The following LHX1 variants were observed in gnomAD, a reference collection of about 807,000 sequenced individuals.
LHX1 encodes LIM homeobox 1.
Under a neutral mutation model 34.1 loss-of-function variants are expected in LHX1, and 9 were observed. That is an observed-to-expected ratio of 0.26 (90% CI 0.16 to 0.46). The LOEUF is 0.46. LHX1 is among the 20% of genes least tolerant of loss of function. LHX1 has a pLI of 1.00. For missense variants in LHX1, 446 were observed against 559.1 expected (o/e 0.80, Z 2.04); for synonymous variants, 254 against 241.5 (o/e 1.05, Z -0.48).
In LHX1 at chr17:36,937,597, G is replaced by A; in HGVS notation, c.-601G>A. 3.1e-6 allele frequency: 1 copy of A among 322,920 alleles called. No homozygotes were observed. Among genetic ancestry groups the A allele is most frequent in the Non-Finnish European group, 6.1e-6 (1 of 164,762 alleles). 20.0% of individuals were successfully genotyped at this position (322,920 alleles called of 1,614,324 possible). A position where few individuals can be genotyped will look rare whatever the true frequency, so the allele number is the denominator to read the frequency against. On this transcript the variant is annotated 5_prime_UTR_variant, in exon 1 of 5. Transcript: ENST00000614239. ...CCGCGGCGCGATGCCGGCAGTTTAGGATCCAAAGCTTCTCTGCTCCTTTTG... is the reference window on the plus strand; with the variant it reads ...CCGCGGCGCGATGCCGGCAGTTTAGAATCCAAAGCTTCTCTGCTCCTTTTG...
Position 36,940,716 on chromosome 17 carries a change from C to G in LHX1, c.504C>G (p.Ser168Arg). Residue 168 changes from serine (S) to arginine (R), a missense_variant, in exon 3 of 5, where the codon AGC (serine) becomes AGG (arginine). Ser to Arg is a moderately radical substitution (Grantham distance 110). Transcript: ENST00000614239. The part of the protein sequence containing the change: ...SANVSDKEAG[S>R]NENDDQNLGA... Reference sequence around the variant, plus strand: ...ACGTGTCGGACAAGGAAGCGGGTAGCAACGAGAATGACGACCAGAACCTGG... The same window carrying G: ...ACGTGTCGGACAAGGAAGCGGGTAGGAACGAGAATGACGACCAGAACCTGG... 6.2e-7 allele frequency: 1 copy of G among 1,613,786 alleles called. No individual in the cohort carries two copies. The highest frequency in any genetic ancestry group is 8.5e-7 in the Non-Finnish European group (1 of 1,180,054).
rs754443317 is a variant in LHX1 at position 36,940,744 on chromosome 17, G to A, written c.532G>A (p.Ala178Thr). ...SNENDDQNLG[A>T]KRRGPRTTIK... is the part of the protein sequence containing the mutation. ...CGAGAATGACGACCAGAACCTGGGC[G>A]CCAAGCGGCGGGGACCGCGCACCAC... Residue 178 changes from alanine to threonine, a missense_variant, in exon 3 of 5, where the codon GCC (alanine) becomes ACC (threonine). By Grantham distance (58) the Ala-to-Thr change is moderately conservative. This residue lies in a region of LHX1 where 43 missense variants were observed against 108.0 expected (regional missense o/e 0.40). Transcript: ENST00000614239. 6.2e-7 allele frequency: 1 copy of A among 1,613,560 alleles called. No individual in the cohort carries two copies. Among genetic ancestry groups the A allele is most frequent in the East Asian group, 2.2e-5 (1 of 44,882 alleles).
intron 3 of LHX1, chr17:36,941,500 G>A (rs115425848): frequency 0.019 from 5,720 of 305,092 alleles, 85 homozygotes; most frequent in African/African-American, 0.043. Context: ...CCAGGCCAGG[G>A]GGAGTCTCTG....
rs2070741309 is a variant in LHX1, at chr17:36,938,164, T to C, written c.-34T>C. 1 of 1,611,756 alleles carries C rather than the reference T, an allele frequency of 6.2e-7. No homozygotes were observed. The highest frequency in any genetic ancestry group is 8.5e-7 in the Non-Finnish European group (1 of 1,179,500). On this transcript the variant is annotated 5_prime_UTR_variant, in exon 1 of 5. Transcript: ENST00000614239. ...CCCTGGGCTCTACTTTGCCCCTCTCTCTCTCTGGGCCTCATCAGACCAAAC... is the reference window on the plus strand; with the variant it reads ...CCCTGGGCTCTACTTTGCCCCTCTCCCTCTCTGGGCCTCATCAGACCAAAC...
chr17:36,936,991 C>A, upstream of LHX1: 1 of 259,174 alleles, frequency 3.9e-6, no homozygotes, highest in Middle Eastern at 9.0e-4. Flanking sequence ...TTTTTTAAAG[C>A]TCTCCAAGCT....
intron 3 of LHX1, 99 bp from the exon 4 acceptor site, chr17:36,942,101 T>G (rs2070768664): frequency 7.7e-7 from 1 of 1,304,316 alleles, no homozygotes; most frequent in South Asian, 1.3e-5. Context: ...GCGCGCGGTG[T>G]CGGCTAGCCA....
chr17:36,937,842 C>A lies in LHX1; in HGVS notation c.-356C>A. 2 of 560,358 alleles carry A rather than the reference C, an allele frequency of 3.6e-6. No homozygotes were observed. Among genetic ancestry groups the A allele is most frequent in the Non-Finnish European group, 6.8e-6 (2 of 295,248 alleles). 34.7% of individuals were successfully genotyped at this position (560,358 alleles called of 1,614,324 possible). A position where few individuals can be genotyped will look rare whatever the true frequency, so the allele number is the denominator to read the frequency against. Reference sequence around the variant, plus strand: ...CGTTTTTATTTATTTATTTCCGTTCCCGCCGCCGTTCTCGCTGACCTTCAC... The same window carrying A: ...CGTTTTTATTTATTTATTTCCGTTCACGCCGCCGTTCTCGCTGACCTTCAC... On this transcript the variant is annotated 5_prime_UTR_variant, in exon 1 of 5. Coordinates refer to ENST00000614239, the MANE Select transcript of LHX1 (RefSeq NM_005568.5).
rs2070789307 is a variant in LHX1 at position 36,944,359 on chromosome 17, C to G, written c.*1228C>G. 1 of 150,488 alleles carries G rather than the reference C, an allele frequency of 6.6e-6. No individual in the cohort carries two copies. Among genetic ancestry groups the G allele is most frequent in the Non-Finnish European group, 1.5e-5 (1 of 67,778 alleles). The allele number at this position is 150,488 out of a possible 1,614,324, so 9.3% of individuals were successfully genotyped here. A position where few individuals can be genotyped will look rare whatever the true frequency, so the allele number is the denominator to read the frequency against. On this transcript the variant is annotated 3_prime_UTR_variant, in exon 5 of 5. Transcript: ENST00000614239. ...AACATTCATGGAATTGTTAATATGA[C>G]TTATATAGACCCACACAGGTTTTAT...
chr17:36,937,769 C>A lies in LHX1; in HGVS notation c.-429C>A, dbSNP rs2070736957. On this transcript the variant is annotated 5_prime_UTR_variant, in exon 1 of 5. Coordinates refer to ENST00000614239, the MANE Select transcript of LHX1 (RefSeq NM_005568.5). Reference sequence around the variant, plus strand: ...CCTCAAGCCCCGGAGAACTCAGCGGCGCTTTCCTCGCAACCCGAGCTCGGC... The same window carrying A: ...CCTCAAGCCCCGGAGAACTCAGCGGAGCTTTCCTCGCAACCCGAGCTCGGC... 2.1e-6 allele frequency: 1 copy of A among 470,688 alleles called. No individual in the cohort carries two copies. Among genetic ancestry groups the A allele is most frequent in the African/African-American group, 2.0e-5 (1 of 50,642 alleles). The allele number at this position is 470,688 out of a possible 1,614,324, so 29.2% of individuals were successfully genotyped here. A position where few individuals can be genotyped will look rare whatever the true frequency, so the allele number is the denominator to read the frequency against.
intron 4 of LHX1, 89 bp from the exon 5 acceptor site, chr17:36,942,663 G>A: frequency 7.4e-7 from 1 of 1,357,814 alleles, no homozygotes; most frequent in Non-Finnish European, 9.8e-7. Context: ...GCCTTCCTCA[G>A]CCCGCCGAGG....
upstream of LHX1, chr17:36,936,863 A>G: frequency 4.7e-6 from 1 of 212,958 alleles, no homozygotes; most frequent in South Asian, 4.9e-5. Flanking sequence ...GAGACCAGGG[A>G]CTGAGGGACG....
In LHX1 at chr17:36,940,275, C is replaced by G. The variant is rs746861106; in HGVS notation, c.171-15C>G. 1.4e-5 allele frequency: 9 copies of G among 634,884 alleles called. No individual in the cohort carries two copies. In the South Asian group the frequency reaches 1.5e-4, roughly 10 times the overall value. 39.3% of individuals were successfully genotyped at this position (634,884 alleles called of 1,614,324 possible). On this transcript the variant is annotated splice_polypyrimidine_tract_variant and intron_variant, in intron 1 of 4. Transcript: ENST00000614239. Reference sequence around the variant, plus strand: ...CCCATCCCCGCCCCCGCCCCCCACCCCCACCCCCCCGCAGGTGTTTCGGTA... The same window carrying G: ...CCCATCCCCGCCCCCGCCCCCCACCGCCACCCCCCCGCAGGTGTTTCGGTA...
Position 36,938,174 on chromosome 17 carries a change from C to T in LHX1, c.-24C>T, listed in dbSNP as rs200836692. On this transcript the variant is annotated 5_prime_UTR_variant, in exon 1 of 5. Transcript: ENST00000614239. The stretch of plus-strand genomic sequence containing the variant: ...TACTTTGCCCCTCTCTCTCTCTGGG[C>T]CTCATCAGACCAAACCAAAGACCAT... The T allele has an allele frequency of 8.1e-6, 13 of 1,612,596 alleles. 1 individual carries two copies. In the Admixed American group the frequency reaches 2.0e-4, roughly 25 times the overall value.
upstream of LHX1, chr17:36,937,265 T>A (rs1420137525): frequency 1.1e-5 from 5 of 447,832 alleles, no homozygotes; most frequent in Admixed American, 1.2e-4. Context: ...CAGCCCGTAG[T>A]GCCTCCCGAA....
At position 36,938,211 on chromosome 17, in the gene LHX1, C is replaced by T; in HGVS notation, c.14C>T (p.Ala5Val). Residue 5 changes from alanine to valine, a missense_variant, in exon 1 of 5, where the codon GCC (alanine) becomes GTC (valine). Transcript: ENST00000614239. MVHC[A>V]GCKRPILDRF... is the part of the protein sequence containing the mutation. ...AAACCAAAGACCATGGTTCACTGTG[C>T]CGGCTGCAAAAGGCCCATCCTGGAC... The T allele has an allele frequency of 6.2e-7, 1 of 1,613,926 alleles. No individual in the cohort carries two copies.
In LHX1 at chr17:36,940,407, G is replaced by T; in HGVS notation, c.288G>T (p.Lys96Asn). Reference protein sequence around the residue: ...LNCFTCMMCNKQLSTGEELYI... With the variant: ...LNCFTCMMCNNQLSTGEELYI... ...GCTTCACCTGCATGATGTGTAACAA[G>T]CAGCTCTCCACTGGCGAGGAACTCT... Residue 96 changes from lysine (K) to asparagine (N), a missense_variant, in exon 2 of 5, where the codon AAG becomes AAT. By Grantham distance (94) the Lys-to-Asn change is moderately conservative. This residue lies in a region of LHX1 where 168 missense variants were observed against 226.6 expected (regional missense o/e 0.74). Transcript: ENST00000614239. The T allele has an allele frequency of 6.2e-7, 1 of 1,614,124 alleles. No individual in the cohort carries two copies. Among genetic ancestry groups the T allele is most frequent in the Non-Finnish European group, 8.5e-7 (1 of 1,180,026 alleles).
Position 36,940,655 on chromosome 17 carries a change from C to G in LHX1, c.443C>G (p.Pro148Arg). The change falls in exon 3 of 5, where the codon CCG becomes CGG. Residue 148 changes from proline to arginine, a missense_variant. Physicochemically the swap from Pro to Arg is moderately radical, Grantham distance 103. Around this residue, in one of 3 missense-constraint regions of LHX1, gnomAD observed 168 missense variants for 226.6 expected, o/e 0.74. Coordinates refer to ENST00000614239, the MANE Select transcript of LHX1 (RefSeq NM_005568.5). ...DPSLSPDSQD[P>R]SQDDAKDSES... ...AGTTTGTCTCCGGATTCCCAAGACC[C>G]GTCGCAGGACGACGCCAAGGACTCG... 1 of 1,613,872 alleles carries G rather than the reference C, an allele frequency of 6.2e-7. No individual in the cohort carries two copies. Among genetic ancestry groups the G allele is most frequent in the Non-Finnish European group, 8.5e-7 (1 of 1,180,044 alleles).
chr17:36,937,828 A>G lies in LHX1; in HGVS notation c.-370A>G, dbSNP rs953612264. 1.9e-6 allele frequency: 1 copy of G among 516,916 alleles called. No homozygotes were observed. The highest frequency in any genetic ancestry group is 1.9e-5 in the African/African-American group (1 of 52,188). 32.0% of individuals were successfully genotyped at this position (516,916 alleles called of 1,614,324 possible). A position where few individuals can be genotyped will look rare whatever the true frequency, so the allele number is the denominator to read the frequency against. On this transcript the variant is annotated 5_prime_UTR_variant, in exon 1 of 5. Coordinates refer to ENST00000614239, the MANE Select transcript of LHX1 (RefSeq NM_005568.5). ...GTCTTCTTCTTCTCCGTTTTTATTT[A>G]TTTATTTCCGTTCCCGCCGCCGTTC...
At chr17:36,937,169 G>C (rs1016884059), upstream of LHX1, 34 of 448,794 alleles carry the variant, frequency 7.6e-5, no homozygotes, top group Non-Finnish European at 1.4e-4. Context: ...CAGACAGAGC[G>C]TGGGCCGAGC....
Sources: gnomAD v4.1 joint callset for allele counts on GRCh38, gnomAD v4.1.1 for gene constraint, gnomAD v4.1.1 regional missense constraint, MANE v1.5 for transcripts, NCBI Gene and HGNC (gene_info 2026-07-23, HGNC 2026-07-21) for gene names.